NUP153: variants seen among roughly 807,000 people sequenced by gnomAD.
NUP153 encodes the protein nuclear pore complex protein Nup153.
Under a neutral mutation model 134.6 loss-of-function variants are expected in NUP153, and 27 were observed. The observed-to-expected ratio is 0.20, with a 90% CI of 0.15 to 0.28. NUP153 has a LOEUF of 0.28. NUP153 is among the 10% of genes least tolerant of loss of function. NUP153 has a pLI of 1.00. For synonymous variants in NUP153, 640 were observed against 623.5 expected, an observed-to-expected ratio of 1.03 and a Z score of -0.40; for missense variants, 1,821 against 1,731.3, an observed-to-expected ratio of 1.05 and a Z score of -0.92.
rs766804576 is a variant in NUP153 at position 17,640,056 on chromosome 6, C to T, written c.1729G>A (p.Val577Ile). The change falls in exon 15 of 22, where the codon GTC becomes ATC. Residue 577 changes from valine to isoleucine, a missense_variant. Val to Ile is a conservative substitution (Grantham distance 29, BLOSUM62 3). Coordinates refer to ENST00000262077, the MANE Select transcript of NUP153 (RefSeq NM_005124.4). ...CAATTTGTACTGTTCACTGTAGTGACATGATGAGCTGTAATTTTTTTAAAT... is the reference window on the plus strand; with the variant it reads ...CAATTTGTACTGTTCACTGTAGTGATATGATGAGCTGTAATTTTTTTAAAT... ...EPIISSSAHH[V>I]TTVNSTNCKK... The T allele has an allele frequency of 6.4e-7, 1 of 1,560,250 alleles. No homozygotes were observed. Among genetic ancestry groups the T allele is most frequent in the Non-Finnish European group, 8.6e-7 (1 of 1,156,906 alleles).
intron 5 of NUP153, among the ~76,000 whole-genome samples, chr6:17,669,827 C>T (rs1398385392): frequency 6.6e-6 from 1 of 152,038 alleles, no homozygotes. Flanking sequence ...GGCATGGTGG[C>T]TCATGTCTGT....
intron 9 of NUP153, among the ~76,000 whole-genome samples, chr6:17,664,556 T>A (rs1767398641): frequency 6.6e-6 from 1 of 152,164 alleles, no homozygotes. Context: ...GAATTAATTT[T>A]CTTAGATGGG....
rs540110667 is a variant in NUP153 at position 17,706,071 on chromosome 6, C to A, written c.111+206G>T. ...AGAGTTGGGGGAAAGGCGGCCCAAACCACACGTGTGCGCCGCAAGGCTGGG... is the reference window on the plus strand; with the variant it reads ...AGAGTTGGGGGAAAGGCGGCCCAAAACACACGTGTGCGCCGCAAGGCTGGG... On this transcript the variant is annotated intron_variant, in intron 1 of 21. Coordinates refer to ENST00000262077, the MANE Select transcript of NUP153 (RefSeq NM_005124.4). This position sits in a 1 kb window ranked among gnomAD's most constrained non-coding sequence, Gnocchi z 5.9. Among the ~76,000 whole-genome samples, 1 of 152,228 alleles carries A rather than the reference C, an allele frequency of 6.6e-6. No individual in the cohort carries two copies. Among genetic ancestry groups the A allele is most frequent in the Non-Finnish European group, 1.5e-5 (1 of 68,034 alleles).
At chr6:17,636,849 A>G (rs1429370263) in intron 16 of NUP153, among the ~76,000 whole-genome samples, 1 of 152,218 alleles carries the variant, frequency 6.6e-6, no homozygotes, top group Non-Finnish European at 1.5e-5. Context: ...AGGTTTGAGA[A>G]ATATTACCCC....
chr6:17,669,420 A>G lies in NUP153; in HGVS notation c.969+10T>C. 1 of 1,609,290 alleles carries G rather than the reference A, an allele frequency of 6.2e-7. No individual in the cohort carries two copies. On this transcript the variant is annotated intron_variant, in intron 6 of 21. Coordinates refer to ENST00000262077, the MANE Select transcript of NUP153 (RefSeq NM_005124.4). ...ACACTCCTGTATTAATCGTGATTTTAAAAATTTACCGCTAAAGGGCTTGAC... is the reference window on the plus strand; with the variant it reads ...ACACTCCTGTATTAATCGTGATTTTGAAAATTTACCGCTAAAGGGCTTGAC...
intron 21 of NUP153, 126 bp downstream of exon 21, chr6:17,616,401 A>G: frequency 1.1e-6 from 1 of 902,988 alleles, no homozygotes; most frequent in Admixed American, 2.9e-5. Context: ...TGGTAAATTT[A>G]TGTTGGAGAA....
intron 1 of NUP153, among the ~76,000 whole-genome samples, chr6:17,692,584 A>C (rs755278034): frequency 3.3e-5 from 5 of 152,226 alleles, no homozygotes; most frequent in Non-Finnish European, 5.9e-5. Flanking sequence ...ACCTGGAACC[A>C]GTATGAAGGA....
intron 20 of NUP153, among the ~76,000 whole-genome samples, chr6:17,621,143 T>A (rs1764623364): frequency 6.6e-6 from 1 of 152,092 alleles, no homozygotes; most frequent in Non-Finnish European, 1.5e-5. Context: ...ATAAGGGAAA[T>A]GCAAATCAAA....
intron 14 of NUP153, among the ~76,000 whole-genome samples, chr6:17,640,692 A>C (rs1490018470): frequency 6.6e-6 from 1 of 152,180 alleles, no homozygotes; most frequent in Non-Finnish European, 1.5e-5. Context: ...TCATAGCTTA[A>C]TGCATCCTCA....
chr6:17,644,063 A>G (rs1419464933), intron 14 of NUP153, among the ~76,000 whole-genome samples: 1 of 152,112 alleles, frequency 6.6e-6, no homozygotes, highest in Non-Finnish European at 1.5e-5. Flanking sequence ...AAAAAAAAAG[A>G]TAAGGTTGCA....
rs1764879691 is a variant in NUP153 at position 17,625,433 on chromosome 6, G to C, written c.3901+375C>G. 6.6e-6 allele frequency among the ~76,000 whole-genome samples: 1 copy of C among 152,164 alleles called. No homozygotes were observed. The highest frequency in any genetic ancestry group is 1.5e-5 in the Non-Finnish European group (1 of 68,032). ...TAATCCCAGCTACTCAGGAGGCTGAGGCAGGAGAATTGCTTGAACTCGGGA... is the reference window on the plus strand; with the variant it reads ...TAATCCCAGCTACTCAGGAGGCTGACGCAGGAGAATTGCTTGAACTCGGGA... On this transcript the variant is annotated intron_variant, in intron 19 of 21. Transcript: ENST00000262077. The surrounding 1 kb of genome is among the most constrained non-coding windows in gnomAD (Gnocchi z 4.7).
At chr6:17,698,588 A>G (rs1312494033) in intron 1 of NUP153, among the ~76,000 whole-genome samples, 1 of 152,092 alleles carries the variant, frequency 6.6e-6, no homozygotes, top group East Asian at 1.9e-4. Context: ...AATACAAAAA[A>G]TTAGCGGGGC....
Position 17,632,845 on chromosome 6 carries a change from C to T in NUP153, c.2465-1G>A. 6.0e-6 allele frequency: 6 copies of T among 999,362 alleles called. No individual in the cohort carries two copies. Among genetic ancestry groups the T allele is most frequent in the Non-Finnish European group, 8.1e-6 (6 of 743,466 alleles). The allele number at this position is 999,362 out of a possible 1,614,324, so 61.9% of individuals were successfully genotyped here. A position where few individuals can be genotyped will look rare whatever the true frequency, so the allele number is the denominator to read the frequency against. On this transcript the variant is annotated splice_acceptor_variant, in intron 16 of 21. Coordinates refer to ENST00000262077, the MANE Select transcript of NUP153 (RefSeq NM_005124.4). LOFTEE classifies it high-confidence loss of function. ...CTACTTGAAGCAGGTACTGAACTTCCTAAAAAAAAAAAAAAAAACGGGGAG... is the reference window on the plus strand; with the variant it reads ...CTACTTGAAGCAGGTACTGAACTTCTTAAAAAAAAAAAAAAAAACGGGGAG...
chr6:17,690,151 G>A (rs879296141), intron 1 of NUP153, among the ~76,000 whole-genome samples: 2 of 151,660 alleles, frequency 1.3e-5, no homozygotes, highest in African/African-American at 4.8e-5. Flanking sequence ...AGGAGATTGA[G>A]ACCATCCTGG....
intron 16 of NUP153, 88 bp from the exon 17 acceptor site, chr6:17,632,932 A>C (rs983084530): frequency 5.5e-6 from 5 of 912,166 alleles, no homozygotes. Context: ...GGCACTGCTA[A>C]GTTTAAGTGT....
rs1344562119 is a variant in NUP153 at position 17,629,064 on chromosome 6, C to G, written c.3135G>C (p.Lys1045Asn). 2.5e-6 allele frequency: 4 copies of G among 1,614,048 alleles called. No individual in the cohort carries two copies. In the Admixed American group the frequency reaches 5.0e-5, roughly 20 times the overall value. Residue 1045 changes from lysine to asparagine, a missense_variant, in exon 18 of 22, where the codon AAG (lysine) becomes AAC (asparagine). Transcript: ENST00000262077. The part of the protein sequence containing the change: ...PANTIVTSEN[K>N]SSFNLGTIET... Reference sequence around the variant, plus strand: ...CTATGGTTCCAAGGTTGAAGCTGCTCTTGTTCTCAGAGGTCACTATGGTGT... The same window carrying G: ...CTATGGTTCCAAGGTTGAAGCTGCTGTTGTTCTCAGAGGTCACTATGGTGT...
intron 20 of NUP153, among the ~76,000 whole-genome samples, chr6:17,621,281 G>T (rs1215953021): frequency 6.6e-6 from 1 of 152,110 alleles, no homozygotes; most frequent in East Asian, 1.9e-4. Flanking sequence ...TAACCGTTAT[G>T]GAAAACAGTA....
intron 2 of NUP153, among the ~76,000 whole-genome samples, chr6:17,678,219 G>A (rs1217395156): frequency 6.6e-6 from 1 of 151,866 alleles, no homozygotes; most frequent in Non-Finnish European, 1.5e-5. Flanking sequence ...ACCCGGGCAT[G>A]GTGGCACACG....
intron 8 of NUP153, among the ~76,000 whole-genome samples, 162 bp from the exon 9 acceptor site, chr6:17,665,547 C>T (rs1419129359): frequency 6.6e-6 from 1 of 152,004 alleles, no homozygotes; most frequent in Non-Finnish European, 1.5e-5. Context: ...AATAATGGAA[C>T]CTAAGGTATG....
Sources: allele counts gnomAD v4.1 joint callset (sites outside exome capture counted in the v4.1 genomes callset), GRCh38; gene constraint gnomAD v4.1.1; non-coding constraint Gnocchi (gnomAD v3.1); transcripts MANE v1.5; gene names NCBI Gene and HGNC (gene_info 2026-07-23, HGNC 2026-07-21).